Variants in MALRD1 observed in about 807,000 individuals in gnomAD.
MALRD1 encodes the protein MAM and LDL receptor class A domain containing 1.
A neutral mutation model predicts 242.1 loss-of-function variants in MALRD1; 247 were observed. That is an observed-to-expected ratio of 1.02 (90% CI 0.92 to 1.13). The LOEUF is 1.13. Among genes scored for constraint, MALRD1 ranks in the 50% most tolerant of loss-of-function variants. The pLI is 0.00. For synonymous variants in MALRD1, 995 were observed against 866.6 expected (o/e 1.15, Z -2.60); for missense variants, 2,989 against 2,533.1 (o/e 1.18, Z -3.86).
chr10:19,593,270 C>T (rs1194801519), intron 33 of MALRD1, among the ~76,000 whole-genome samples: 1 of 152,160 alleles, frequency 6.6e-6, no homozygotes, highest in Non-Finnish European at 1.5e-5. Flanking sequence ...CTCTCTCCTA[C>T]TTAAATATAC....
intron 33 of MALRD1, among the ~76,000 whole-genome samples, chr10:19,594,514 T>G (rs1297143155): frequency 6.6e-6 from 1 of 152,046 alleles, no homozygotes; most frequent in Non-Finnish European, 1.5e-5. Flanking sequence ...AGTTATTATA[T>G]GAAAAAGACA....
At chr10:19,110,245 T>A (rs1014856060) in intron 5 of MALRD1, among the ~76,000 whole-genome samples, 1 of 152,214 alleles carries the variant, frequency 6.6e-6, no homozygotes. Flanking sequence ...CTTGGGTTTT[T>A]AACATCCCTT....
chr10:19,208,337 G>A (rs1836878516), intron 17 of MALRD1, among the ~76,000 whole-genome samples: 1 of 152,094 alleles, frequency 6.6e-6, no homozygotes, highest in Non-Finnish European at 1.5e-5. Context: ...GAAGTGGTGG[G>A]GTGTTTAGAA....
chr10:19,341,567 A>G (rs73593876), intron 24 of MALRD1, among the ~76,000 whole-genome samples: 6,032 of 117,770 alleles, frequency 0.051, 206 homozygotes, highest in African/African-American at 0.12. Flanking sequence ...CGTATTTTAT[A>G]CATACATGTA....
chr10:19,589,685 C>T (rs1453191342), intron 33 of MALRD1, among the ~76,000 whole-genome samples: 1 of 152,086 alleles, frequency 6.6e-6, no homozygotes, highest in Non-Finnish European at 1.5e-5. Context: ...CAAAATTAAT[C>T]AACAGTTTTT....
At chr10:19,511,862 A>G (rs1404563724) in intron 31 of MALRD1, among the ~76,000 whole-genome samples, 1 of 152,100 alleles carries the variant, frequency 6.6e-6, no homozygotes, top group African/African-American at 2.4e-5. Flanking sequence ...AATAAAAAAG[A>G]CAAAGTTTTC....
chr10:19,059,501 C>G (rs1188755265), intron 1 of MALRD1, among the ~76,000 whole-genome samples: 1 of 152,124 alleles, frequency 6.6e-6, no homozygotes, highest in East Asian at 1.9e-4. Context: ...ATTCTCCTGC[C>G]TCAACCTCCC....
chr10:19,380,079 A>C (rs7906873), intron 26 of MALRD1, among the ~76,000 whole-genome samples: 5 of 150,056 alleles, frequency 3.3e-5, no homozygotes, highest in Admixed American at 6.6e-5. Context: ...GGTTCCAGGA[A>C]TTCTCCTGCC....
intron 7 of MALRD1, among the ~76,000 whole-genome samples, chr10:19,124,935 CTTT>C (rs1173453764): frequency 1.0e-3 from 55 of 52,550 alleles, no homozygotes; most frequent in African/African-American, 4.3e-3. Flanking sequence ...TATTAAAAGG[CTTT>C]TTTTTTTTTT....
intron 14 of MALRD1, among the ~76,000 whole-genome samples, chr10:19,176,446 C>G (rs1388579842): frequency 2.2e-5 from 3 of 137,802 alleles, no homozygotes; most frequent in African/African-American, 8.1e-5. Context: ...GCAATCTCGG[C>G]TCACTGCAAG....
intron 38 of MALRD1, chr10:19,728,326 A>G (rs1835135735): frequency 6.6e-6 from 1 of 152,206 alleles, no homozygotes; most frequent in African/African-American, 2.4e-5. Context: ...ATAGAAAATT[A>G]TTTCAGACTT....
chr10:19,193,000 T>C (rs190655396), intron 14 of MALRD1, among the ~76,000 whole-genome samples: 2 of 152,320 alleles, frequency 1.3e-5, no homozygotes, highest in Admixed American at 6.5e-5. Flanking sequence ...AGGGTGTGCC[T>C]ATGTGGGTTT....
intron 5 of MALRD1, among the ~76,000 whole-genome samples, chr10:19,117,002 G>A (rs1378752597): frequency 6.6e-6 from 1 of 151,804 alleles, no homozygotes; most frequent in Admixed American, 6.6e-5. Context: ...GGCTGAGGCA[G>A]GAGAATCGCT....
At position 19,087,849 on chromosome 10, in the gene MALRD1, T is replaced by C. The variant is rs571480450; in HGVS notation, c.350T>C (p.Leu117Pro). 8.1e-7 allele frequency: 1 copy of C among 1,231,830 alleles called. No individual in the cohort carries two copies. Among genetic ancestry groups the C allele is most frequent in the East Asian group, 3.2e-5 (1 of 31,640 alleles). The allele number at this position is 1,231,830 out of a possible 1,614,324, so 76.3% of individuals were successfully genotyped here. A position where few individuals can be genotyped will look rare whatever the true frequency, so the allele number is the denominator to read the frequency against. Residue 117 changes from leucine to proline, a missense_variant, in exon 3 of 40, where the codon CTC (leucine) becomes CCC (proline). Physicochemically the swap from Leu to Pro is moderately conservative, Grantham distance 98. Transcript: ENST00000454679. ...CTCTTCTTTCTGATAGCTCACTTCCTCTCACTGGTTTCCAGAGTGGATTCT... is the reference window on the plus strand; with the variant it reads ...CTCTTCTTTCTGATAGCTCACTTCCCCTCACTGGTTTCCAGAGTGGATTCT... ...DHNGDVSAHF[L>P]SLVSRVDSIS...
chr10:19,558,290 G>A (rs1025303064), intron 32 of MALRD1, among the ~76,000 whole-genome samples: 5 of 151,976 alleles, frequency 3.3e-5, no homozygotes. Context: ...AATAGGAGTT[G>A]TGAGAGCACA....
At chr10:19,253,423 G>C (rs370374060) in intron 18 of MALRD1, among the ~76,000 whole-genome samples, 1 of 151,808 alleles carries the variant, frequency 6.6e-6, no homozygotes. Flanking sequence ...TTTATATGTC[G>C]ATTTTATCCT....
chr10:19,057,398 T>C (rs1471475116), intron 1 of MALRD1, among the ~76,000 whole-genome samples: 1 of 152,038 alleles, frequency 6.6e-6, no homozygotes, highest in Non-Finnish European at 1.5e-5. Flanking sequence ...AGATCACCTC[T>C]CCCGTGGCTG....
At chr10:19,476,079 CA>C (rs1444720090) in intron 29 of MALRD1, among the ~76,000 whole-genome samples, 1 of 152,062 alleles carries the variant, frequency 6.6e-6, no homozygotes, top group Non-Finnish European at 1.5e-5. Context: ...TTAAATAAAT[CA>C]AGGGCATTTT....
chr10:19,308,752 G>A (rs1842319881), intron 21 of MALRD1, among the ~76,000 whole-genome samples: 1 of 151,488 alleles, frequency 6.6e-6, no homozygotes, highest in Admixed American at 6.6e-5. Flanking sequence ...GAGAAAAAGT[G>A]TGCCTTTCCT....
Sources: allele counts gnomAD v4.1 joint callset (sites outside exome capture counted in the v4.1 genomes callset), GRCh38; gene constraint gnomAD v4.1.1; transcripts MANE v1.5; gene names NCBI Gene and HGNC (gene_info 2026-07-23, HGNC 2026-07-21).